The following LIAS variants were observed in gnomAD, a reference collection of about 807,000 sequenced individuals.
LIAS encodes lipoyl synthase, mitochondrial.
LIAS carries 36 observed loss-of-function variants against 49.4 expected under a neutral mutation model. That is an observed-to-expected ratio of 0.73 (90% confidence interval 0.56 to 0.96). The LOEUF (loss-of-function observed/expected upper bound fraction) is 0.96, where lower values mean the gene tolerates loss of function less well. Ranked by LOEUF, LIAS falls within the 40% of genes least tolerant of loss-of-function variation. The probability of loss-of-function intolerance (pLI) is 0.00; values close to 1 mark genes in which losing one functional copy is unlikely to be tolerated. For missense variants in LIAS, 399 were observed against 456.3 expected (o/e 0.87, Z 1.14); for synonymous variants, 145 against 155.8 (o/e 0.93, Z 0.52).
chr4:39,467,335 G>A (rs1370639737), intron 6 of LIAS, 183 bp from the exon 7 acceptor site: 1 of 423,458 alleles, frequency 2.4e-6, no homozygotes, highest in East Asian at 3.9e-5. Context: ...AGTATTTAAC[G>A]GTCTGCTTTT....
chr4:39,459,959 C>CAAAA (rs3836576), intron 1 of LIAS, among the ~76,000 whole-genome samples: 2 of 135,120 alleles, frequency 1.5e-5, no homozygotes, highest in East Asian at 4.4e-4. Flanking sequence ...GACTCCATCT[C>CAAAA]AAAAAAAAAA....
At chr4:39,471,139 TA>T in intron 8 of LIAS, 96 bp from the exon 9 acceptor site, 1 of 874,210 alleles carries the variant, frequency 1.1e-6, no homozygotes, top group Non-Finnish European at 1.9e-6. Flanking sequence ...TGGACTGTCA[TA>T]AAGTTCACAC....
chr4:39,460,146 CCTT>C (rs1465866394), intron 1 of LIAS, among the ~76,000 whole-genome samples: 11 of 152,206 alleles, frequency 7.2e-5, no homozygotes, highest in Non-Finnish European at 8.8e-5. Context: ...AACTGTGGCA[CCTT>C]CTTCAGTTAT....
intron 10 of LIAS, among the ~76,000 whole-genome samples, chr4:39,474,445 TAAAA>T (rs775863569): frequency 1.8e-4 from 27 of 150,058 alleles, no homozygotes; most frequent in Non-Finnish European, 3.0e-4. Context: ...AAAAATAAAA[TAAAA>T]AAAAGAAACA....
chr4:39,463,894 C>G (rs1744651078), intron 4 of LIAS: 1 of 370,568 alleles, frequency 2.7e-6, no homozygotes, highest in African/African-American at 2.1e-5. Context: ...GATTGCTTAG[C>G]TTTTTATGTG....
chr4:39,464,460 C>T (rs897616388), intron 4 of LIAS, among the ~76,000 whole-genome samples: 1 of 152,118 alleles, frequency 6.6e-6, no homozygotes, highest in African/African-American at 2.4e-5. Flanking sequence ...CTCTGTACCC[C>T]CTAAACTGTA....
rs1211310774 is a variant in LIAS, at chr4:39,460,977, G to C, written c.218+15G>C. The stretch of plus-strand genomic sequence containing the variant: ...AAAGGAGAAAGGTAATTGAAAATTT[G>C]AGATAATTTTAACGTCCCGTTCCTT... On this transcript the variant is annotated intron_variant, in intron 2 of 10. Transcript: ENST00000640888. 6.3e-7 allele frequency: 1 copy of C among 1,577,710 alleles called. No homozygotes were observed. The highest frequency in any genetic ancestry group is 1.9e-5 in the Admixed American group (1 of 53,770).
chr4:39,473,247 C>T lies in LIAS; in HGVS notation c.1066+36C>T, dbSNP rs1056694557. 14 of 1,274,370 alleles carry T rather than the reference C, an allele frequency of 1.1e-5. No homozygotes were observed. In the East Asian group the frequency reaches 1.2e-4, roughly 11 times the overall value. The allele number at this position is 1,274,370 out of a possible 1,614,324, so 78.9% of individuals were successfully genotyped here. A position where few individuals can be genotyped will look rare whatever the true frequency, so the allele number is the denominator to read the frequency against. On this transcript the variant is annotated intron_variant, in intron 10 of 10. Coordinates refer to ENST00000640888, the MANE Select transcript of LIAS (RefSeq NM_006859.4). The stretch of plus-strand genomic sequence containing the variant: ...TTGTGGGGCATGGTTTCATTTAGGC[C>T]GTTAACTTTCCACATTAAGTTCTAC...
At chr4:39,471,329 T>TCC (rs779245528) in intron 9 of LIAS, 23 bp downstream of exon 9, 4 of 1,115,078 alleles carry the variant, frequency 3.6e-6, no homozygotes, top group African/African-American at 1.9e-5. Flanking sequence ...TGATTTGCTT[T>TCC]TTTTTTTTTT....
At chr4:39,472,720 A>G (rs1345882619) in intron 9 of LIAS, among the ~76,000 whole-genome samples, 5 of 152,234 alleles carry the variant, frequency 3.3e-5, no homozygotes, top group African/African-American at 1.2e-4. Flanking sequence ...TAAGCAGAAG[A>G]TACAAGTTGA....
chr4:39,460,707 C>T lies in LIAS; in HGVS notation c.46-83C>T, dbSNP rs544263635. On this transcript the variant is annotated intron_variant, in intron 1 of 10. Coordinates refer to ENST00000640888, the MANE Select transcript of LIAS (RefSeq NM_006859.4). The stretch of plus-strand genomic sequence containing the variant: ...TCTGAATCACTTTTTTGGCTTTACC[C>T]TTCCGTTTAGGTGTTATGATGGGTT... 3 of 1,185,040 alleles carry T rather than the reference C, an allele frequency of 2.5e-6. No homozygotes were observed. In the African/African-American group the frequency reaches 4.6e-5, roughly 18 times the overall value. 73.4% of individuals were successfully genotyped at this position (1,185,040 alleles called of 1,614,324 possible). A position where few individuals can be genotyped will look rare whatever the true frequency, so the allele number is the denominator to read the frequency against.
At chr4:39,463,477 T>C (rs374351962) in intron 3 of LIAS, 48 bp from the exon 4 acceptor site, 9 of 1,517,092 alleles carry the variant, frequency 5.9e-6, no homozygotes, top group Non-Finnish European at 8.0e-6. Context: ...ACTGTTTAGT[T>C]GGTGGATATT....
intron 7 of LIAS, chr4:39,467,999 T>C (rs1744823943): frequency 6.6e-6 from 1 of 152,100 alleles, no homozygotes; most frequent in Non-Finnish European, 1.5e-5. Context: ...CTCATATTAC[T>C]AAGTTACTGT....
chr4:39,460,270 G>T (rs1011035011), intron 1 of LIAS, among the ~76,000 whole-genome samples: 9 of 152,160 alleles, frequency 5.9e-5, no homozygotes, highest in African/African-American at 2.2e-4. Flanking sequence ...GGTGGCTTAC[G>T]CCTGTAATCC....
At chr4:39,465,382 G>C in intron 6 of LIAS, 40 bp downstream of exon 6, 1 of 1,551,912 alleles carries the variant, frequency 6.4e-7, no homozygotes, top group East Asian at 2.2e-5. Flanking sequence ...GGACCTTTTT[G>C]GACCCATATG....
intron 9 of LIAS, among the ~76,000 whole-genome samples, chr4:39,472,817 T>C (rs566356969): frequency 4.6e-5 from 7 of 152,340 alleles, no homozygotes; most frequent in African/African-American, 1.7e-4. Flanking sequence ...AGATAAATAA[T>C]ATCTGTAGAT....
intron 8 of LIAS, 30 bp from the exon 9 acceptor site, chr4:39,471,206 C>G (rs1325833451): frequency 6.6e-7 from 1 of 1,520,368 alleles, no homozygotes; most frequent in East Asian, 2.3e-5. Flanking sequence ...AAAGTATTTG[C>G]TAATGTAATT....
In LIAS at chr4:39,471,303, T is replaced by C; in HGVS notation, c.951T>C (p.Leu317=). 1 of 1,603,050 alleles carries C rather than the reference T, an allele frequency of 6.2e-7. No homozygotes were observed. The highest frequency in any genetic ancestry group is 8.5e-7 in the Non-Finnish European group (1 of 1,171,590). Residue 317 remains leucine (L), a synonymous_variant, in exon 9 of 11, where the codon CTT becomes CTC. Transcript: ENST00000640888. ...GQYMQPTRRH[L]KVEEYITPEK... is the part of the protein sequence containing the mutation. ...ATATGCAGCCAACAAGGCGTCACCT[T>C]AAGGTACATGTATCTTGATTTGCTT...
At chr4:39,466,176 A>G (rs997513065) in intron 6 of LIAS, 1 of 151,910 alleles carries the variant, frequency 6.6e-6, no homozygotes. Context: ...GAATCTTGCT[A>G]TGTTCCCCAG....
Sources: gnomAD v4.1 joint callset for allele counts (sites outside exome capture counted in the v4.1 genomes callset) on GRCh38, gnomAD v4.1.1 for gene constraint, MANE v1.5 for transcripts, NCBI Gene and HGNC (gene_info 2026-07-23, HGNC 2026-07-21) for gene names.